The following GAS2L1 variants were observed in gnomAD, a reference collection of about 807,000 sequenced individuals.
GAS2L1 encodes the protein growth arrest specific 2 like 1.
In GAS2L1, 26 loss-of-function variants were observed where a neutral mutation model predicts 44.0. The observed-to-expected ratio is 0.59, with a 90% CI of 0.43 to 0.82. GAS2L1 has a LOEUF of 0.82. Ranked by LOEUF, GAS2L1 falls within the 40% of genes least tolerant of loss-of-function variation. The probability of loss-of-function intolerance (pLI) is 0.00; values close to 1 mark genes in which losing one functional copy is unlikely to be tolerated. For synonymous variants in GAS2L1, 426 were observed against 415.9 expected (o/e 1.02, Z -0.30); for missense variants, 1,006 against 983.0 (o/e 1.02, Z -0.31).
At chr22:29,312,232 G>A (rs2061417495) in exon 5 of GAS2L1, 9 of 1,612,998 alleles carry the variant, frequency 5.6e-6, no homozygotes, top group Non-Finnish European at 6.8e-6. Flanking sequence ...CCTGGGCCCC[G>A]AAGCCAAGCC....
At chr22:29,309,770 C>A (rs2061384025) in intron 1 of GAS2L1, among the ~76,000 whole-genome samples, 1 of 152,046 alleles carries the variant, frequency 6.6e-6, no homozygotes, top group Non-Finnish European at 1.5e-5. Context: ...TGTAGCCTGC[C>A]TGGCCTTCCT....
In GAS2L1 at chr22:29,308,633, C is replaced by CA; in HGVS notation, c.528_529insA (p.Ala177SerfsTer10). On this transcript the variant is annotated frameshift_variant, in exon 1 of 5. Transcript: ENST00000618518. LOFTEE classifies it high-confidence loss of function. Reference sequence around the variant, plus strand: ...TGCGTGCTGCACCCCCAGCCCCCAACGCCCCTGCCGCTGGGGAGGACACCA... The same window carrying CA: ...TGCGTGCTGCACCCCCAGCCCCCAACAGCCCCTGCCGCTGGGGAGGACACCA... The CA allele has an allele frequency of 6.3e-7, 1 of 1,580,316 alleles. No homozygotes were observed. Among genetic ancestry groups the CA allele is most frequent in the East Asian group, 2.3e-5 (1 of 43,852 alleles).
chr22:29,308,772 A>C, intron 1 of GAS2L1, 34 bp downstream of exon 2: 2 of 1,460,274 alleles, frequency 1.4e-6, no homozygotes, highest in Non-Finnish European at 1.8e-6. Flanking sequence ...CAGGGACCCG[A>C]CAGCACAGCC....
At chr22:29,307,524 A>G (rs2061361328) in exon 1 of GAS2L1, 1 of 152,288 alleles carries the variant, frequency 6.6e-6, no homozygotes, top group Admixed American at 6.5e-5. Context: ...TAAAATGGAG[A>G]TAATGCCTCC....
exon 5 of GAS2L1, chr22:29,312,429 G>A: frequency 3.2e-6 from 5 of 1,544,842 alleles, no homozygotes; most frequent in African/African-American, 1.4e-5. Flanking sequence ...CTCCGGACCC[G>A]CAGAGCTGGG....
chr22:29,312,284 G>C (rs746039596), exon 5 of GAS2L1: 1 of 1,609,102 alleles, frequency 6.2e-7, no homozygotes, highest in Non-Finnish European at 8.5e-7. Flanking sequence ...GCCCTGGCAT[G>C]GGGGGGCCAC....
intron 4 of GAS2L1, 53 bp from the exon 6 acceptor site, chr22:29,311,409 C>T (rs1230233652): frequency 2.8e-6 from 2 of 711,006 alleles, no homozygotes; most frequent in Admixed American, 5.5e-5. Context: ...GCCTGTTCTG[C>T]ATGCCAGTCC....
exon 1 of GAS2L1, chr22:29,308,680 G>T: frequency 6.6e-7 from 1 of 1,516,086 alleles, no homozygotes; most frequent in Non-Finnish European, 8.8e-7. Flanking sequence ...CCCGCACCAG[G>T]GACTCCTGCC....
intron 3 of GAS2L1, 39 bp downstream of exon 4, chr22:29,310,773 G>T (rs919108845): frequency 1.2e-6 from 2 of 1,605,964 alleles, no homozygotes; most frequent in Admixed American, 3.3e-5. Flanking sequence ...ACGGGCAGGG[G>T]ACTTGCTTCT....
At chr22:29,308,626 C>A in exon 1 of GAS2L1, 2 of 1,583,824 alleles carry the variant, frequency 1.3e-6, no homozygotes, top group Non-Finnish European at 1.7e-6. Flanking sequence ...GCACCCCCAG[C>A]CCCCAACGCC....
exon 5 of GAS2L1, chr22:29,311,928 C>G: frequency 1.9e-6 from 3 of 1,604,528 alleles, no homozygotes; most frequent in Non-Finnish European, 2.5e-6. Flanking sequence ...CAGCCCCAGT[C>G]CAGAGTTGGG....
rs542110745 is a variant in GAS2L1, at chr22:29,310,602, G to A, written c.742-36G>A. The A allele has an allele frequency of 4.8e-5, 76 of 1,587,758 alleles. No homozygotes were observed. In the Admixed American group the frequency reaches 1.2e-3, roughly 24 times the overall value. On this transcript the variant is annotated intron_variant, in intron 2 of 4. Coordinates refer to ENST00000618518, the Ensembl canonical transcript of GAS2L1. The stretch of plus-strand genomic sequence containing the variant: ...CAGCCAAGGTGGTGGGCTGCGGGGC[G>A]CCCGGGGCACAGCCGTGACCTGCCC...
exon 1 of GAS2L1, chr22:29,308,151 G>T: frequency 6.3e-7 from 1 of 1,586,492 alleles, no homozygotes; most frequent in South Asian, 1.1e-5. Flanking sequence ...GGCCAAGAGC[G>T]TGCGGCCATT....
At chr22:29,312,004 T>C in exon 5 of GAS2L1, 4 of 1,611,718 alleles carry the variant, frequency 2.5e-6, no homozygotes, top group Non-Finnish European at 3.4e-6. Context: ...CAGCAGCTGT[T>C]CCGGCGCCTG....
chr22:29,311,831 G>C (rs1356709699), exon 5 of GAS2L1: 1 of 1,591,938 alleles, frequency 6.3e-7, no homozygotes, highest in East Asian at 2.2e-5. Context: ...GGGTGCCAAG[G>C]GGCAGGGGCA....
intron 1 of GAS2L1, 181 bp from the exon 3 acceptor site, chr22:29,310,254 AAAAT>A: frequency 1.1e-5 from 4 of 356,048 alleles, no homozygotes; most frequent in South Asian, 1.0e-4. Flanking sequence ...AAAAAAAAAA[AAAAT>A]AAAAAAAAAT....
exon 1 of GAS2L1, chr22:29,308,634 G>T (rs769281251): frequency 1.3e-6 from 2 of 1,580,082 alleles, no homozygotes; most frequent in Non-Finnish European, 1.7e-6. Flanking sequence ...AGCCCCCAAC[G>T]CCCCTGCCGC....
exon 4 of GAS2L1, chr22:29,310,922 G>A: frequency 1.2e-6 from 2 of 1,613,708 alleles, no homozygotes; most frequent in Non-Finnish European, 1.7e-6. Context: ...CCCTGGGAGT[G>A]AGCGCCGGGG....
exon 1 of GAS2L1, chr22:29,308,030 T>C: frequency 1.6e-6 from 2 of 1,265,668 alleles, no homozygotes; most frequent in Non-Finnish European, 2.1e-6. Context: ...CAGCTTAATT[T>C]GTACTGAGCG....
Sources: gnomAD v4.1 joint callset for allele counts (sites outside exome capture counted in the v4.1 genomes callset) on GRCh38, gnomAD v4.1.1 for gene constraint, MANE v1.5 for transcripts, NCBI Gene and HGNC (gene_info 2026-07-23, HGNC 2026-07-21) for gene names.